The following SPIRE1 variants were observed in gnomAD, a reference collection of about 807,000 sequenced individuals.
The protein encoded by SPIRE1 is spire type actin nucleation factor 1, also known as protein spire homolog 1.
SPIRE1 carries 40 observed loss-of-function variants against 94.1 expected under a neutral mutation model. That is an observed-to-expected ratio of 0.43 (90% CI 0.33 to 0.55). The LOEUF is 0.55. Among genes scored for constraint, SPIRE1 ranks in the 20% least tolerant of loss-of-function variants. SPIRE1 has a pLI of 0.06. For missense variants in SPIRE1, 838 were observed against 975.2 expected, an observed-to-expected ratio of 0.86 and a Z score of 1.87; for synonymous variants, 376 against 371.7, an observed-to-expected ratio of 1.01 and a Z score of -0.13.
At chr18:12,636,558 A>ATCTTTTAATCTTTT (rs1323261358) in intron 1 of SPIRE1, among the ~76,000 whole-genome samples, 1 of 152,110 alleles carries the variant, frequency 6.6e-6, no homozygotes, top group Non-Finnish European at 1.5e-5. Context: ...AGACAACCAC[A>ATCTTTTAATCTTTT]ACTCCTCATC....
chr18:12,485,784 C>A (rs1329266556), intron 9 of SPIRE1, among the ~76,000 whole-genome samples, 175 bp downstream of exon 9: 2 of 152,080 alleles, frequency 1.3e-5, no homozygotes, highest in Non-Finnish European at 2.9e-5. Context: ...AGTCTTGTAT[C>A]TTTTTTACAT....
intron 3 of SPIRE1, among the ~76,000 whole-genome samples, chr18:12,545,181 C>T (rs2035127089): frequency 6.6e-6 from 1 of 152,018 alleles, no homozygotes; most frequent in African/African-American, 2.4e-5. Flanking sequence ...AAAAATAAAC[C>T]TTAACATCTA....
At chr18:12,457,698 AG>A (rs2031579697) in intron 12 of SPIRE1, among the ~76,000 whole-genome samples, 1 of 44,950 alleles carries the variant, frequency 2.2e-5, no homozygotes. Context: ...AAAATTGTTG[AG>A]TTTTTTTTTT....
Position 12,656,771 on chromosome 18 carries a change from G to A in SPIRE1, c.337+759C>T, listed in dbSNP as rs45598834. The A allele has an allele frequency of 1.8e-3, 1,407 of 763,740 alleles. 2 individuals are homozygous for A. Among genetic ancestry groups the A allele is most frequent in the Non-Finnish European group, 2.1e-3 (1,335 of 627,354 alleles). 47.3% of individuals were successfully genotyped at this position (763,740 alleles called of 1,614,324 possible). On this transcript the variant is annotated intron_variant, in intron 1 of 16. Transcript: ENST00000409402. ...AAATTACTGTTTAGGTCATAATCCT[G>A]AAAATTTTACATTAGACAATGACGT...
At chr18:12,546,139 G>A (rs1160760934) in intron 3 of SPIRE1, among the ~76,000 whole-genome samples, 5 of 151,904 alleles carry the variant, frequency 3.3e-5, no homozygotes, top group East Asian at 3.9e-4. Flanking sequence ...ACAGGTGCCC[G>A]CCACCACGCC....
intron 10 of SPIRE1, among the ~76,000 whole-genome samples, chr18:12,479,062 A>G (rs1032148247): frequency 1.3e-5 from 2 of 152,066 alleles, no homozygotes; most frequent in African/African-American, 4.8e-5. Flanking sequence ...ACGAGAAGAT[A>G]TTAAGGTAAT....
At chr18:12,493,030 A>T (rs2033297060) in intron 8 of SPIRE1, 42 bp downstream of exon 8, 1 of 1,551,312 alleles carries the variant, frequency 6.4e-7, no homozygotes, top group African/African-American at 1.4e-5. Context: ...TCCTTTTCCC[A>T]GGGGATGACT....
chr18:12,628,530 G>A (rs1032610008), intron 2 of SPIRE1, among the ~76,000 whole-genome samples: 41 of 152,104 alleles, frequency 2.7e-4, no homozygotes, highest in Non-Finnish European at 4.7e-4. Context: ...TTGGGAATGC[G>A]GGCTCTTTTT....
chr18:12,474,435 G>C (rs79315989), intron 10 of SPIRE1, among the ~76,000 whole-genome samples: 12,454 of 151,652 alleles, frequency 0.082, 733 homozygotes, highest in Non-Finnish European at 0.12. Context: ...GTGGTGGTGG[G>C]TGGGGAAGGC....
rs573586884 is a variant in SPIRE1, at chr18:12,604,826, A to C, written c.372+30236T>G. 4.6e-5 allele frequency among the ~76,000 whole-genome samples: 7 copies of C among 152,324 alleles called. No individual in the cohort carries two copies. In the East Asian group the frequency reaches 1.4e-3, roughly 29 times the overall value. ...TTAAGTTCATAGCAGCATTCTTCAC[A>C]ATGGCCAACAGGTAGAAGCAACCAG... On this transcript the variant is annotated intron_variant, in intron 2 of 16. Transcript: ENST00000409402.
chr18:12,644,280 T>G (rs2038164438), intron 1 of SPIRE1, among the ~76,000 whole-genome samples: 1 of 151,670 alleles, frequency 6.6e-6, no homozygotes, highest in African/African-American at 2.4e-5. Flanking sequence ...TCAAAAACAT[T>G]TAAGTTTATA....
At chr18:12,574,779 A>G (rs1458229850) in intron 2 of SPIRE1, among the ~76,000 whole-genome samples, 1 of 152,242 alleles carries the variant, frequency 6.6e-6, no homozygotes, top group Non-Finnish European at 1.5e-5. Context: ...AAACCAAGAG[A>G]TTGGACTGTA....
rs79889188 is a variant in SPIRE1, at chr18:12,651,107, C to A, written c.337+6423G>T. ...TGACTAGAACTATTTGCCCTTACAT[C>A]ACCCATGTAAAACTAGAACACTACT... On this transcript the variant is annotated intron_variant, in intron 1 of 16. Coordinates refer to ENST00000409402, the MANE Select transcript of SPIRE1 (RefSeq NM_001128626.2). Among the ~76,000 whole-genome samples the A allele has an allele frequency of 9.2e-3, 1,399 of 152,246 alleles. 29 individuals are homozygous for A. The highest frequency in any genetic ancestry group is 0.033 in the African/African-American group (1,351 of 41,528).
Position 12,589,413 on chromosome 18 carries a change from G to A in SPIRE1, c.373-42509C>T, listed in dbSNP as rs1305299794. Among the ~76,000 whole-genome samples the A allele has an allele frequency of 3.3e-5, 5 of 152,152 alleles. No homozygotes were observed. In the East Asian group the frequency reaches 9.6e-4, roughly 29 times the overall value. On this transcript the variant is annotated intron_variant, in intron 2 of 16. Coordinates refer to ENST00000409402, the MANE Select transcript of SPIRE1 (RefSeq NM_001128626.2). ...CAGGTACTAAGGAAGGAGGTCTGAA[G>A]GCCGCCCACTCTGCCAGGGTGTCCG...
intron 10 of SPIRE1, among the ~76,000 whole-genome samples, chr18:12,474,268 C>T (rs1202525457): frequency 6.6e-6 from 1 of 152,160 alleles, no homozygotes; most frequent in Non-Finnish European, 1.5e-5. Context: ...GACAAAGAGG[C>T]TCATGCAAGG....
At position 12,658,060 on chromosome 18, in the gene SPIRE1, G is replaced by T. The variant is rs1002484762; in HGVS notation, c.-194C>A. 1 of 992,018 alleles carries T rather than the reference G, an allele frequency of 1.0e-6. No individual in the cohort carries two copies. The highest frequency in any genetic ancestry group is 1.8e-5 in the African/African-American group (1 of 57,066). The allele number at this position is 992,018 out of a possible 1,614,324, so 61.5% of individuals were successfully genotyped here. On this transcript the variant is annotated 5_prime_UTR_variant, in exon 1 of 17. Coordinates refer to ENST00000409402, the MANE Select transcript of SPIRE1 (RefSeq NM_001128626.2). ...AGAGGAGGGCGGCGAGGACACGGCTGCAGTCCCGGTCAGACAGCCGCCGGC... is the reference window on the plus strand; with the variant it reads ...AGAGGAGGGCGGCGAGGACACGGCTTCAGTCCCGGTCAGACAGCCGCCGGC...
chr18:12,484,858 G>C (rs1400269514), intron 9 of SPIRE1, among the ~76,000 whole-genome samples: 1 of 152,118 alleles, frequency 6.6e-6, no homozygotes, highest in East Asian at 1.9e-4. Context: ...AGGAGTTTGA[G>C]AGCAGCCTGG....
At chr18:12,505,732 A>G (rs2033811674) in intron 6 of SPIRE1, among the ~76,000 whole-genome samples, 1 of 152,192 alleles carries the variant, frequency 6.6e-6, no homozygotes, top group Admixed American at 6.5e-5. Context: ...TACACAAAAT[A>G]TGTTGCTTAT....
intron 2 of SPIRE1, among the ~76,000 whole-genome samples, chr18:12,557,305 G>A (rs2035544241): frequency 6.6e-6 from 1 of 152,230 alleles, no homozygotes; most frequent in African/African-American, 2.4e-5. Flanking sequence ...CCCACGGGCA[G>A]GCAGCTGAGG....
Sources: allele counts gnomAD v4.1 joint callset (sites outside exome capture counted in the v4.1 genomes callset), GRCh38; gene constraint gnomAD v4.1.1; transcripts MANE v1.5; gene names NCBI Gene and HGNC (gene_info 2026-07-23, HGNC 2026-07-21).